ZSCAN5A: variants seen among roughly 807,000 people sequenced by gnomAD.
The protein encoded by ZSCAN5A is zinc finger and SCAN domain-containing protein 5A.
In ZSCAN5A, 12 loss-of-function variants were observed where a neutral mutation model predicts 23.7. That is an observed-to-expected ratio of 0.51 (90% CI 0.32 to 0.82). The LOEUF (loss-of-function observed/expected upper bound fraction) is 0.82, where lower values mean the gene tolerates loss of function less well. Among genes scored for constraint, ZSCAN5A ranks in the 40% least tolerant of loss-of-function variants. The pLI, the probability that ZSCAN5A is intolerant of heterozygous loss-of-function variation, is 0.03. For missense variants in ZSCAN5A, 597 were observed against 617.9 expected (o/e 0.97, Z 0.36); for synonymous variants, 257 against 239.9 (o/e 1.07, Z -0.66).
In ZSCAN5A at chr19:56,221,900, C is replaced by G. The variant is rs774911834; in HGVS notation, c.1166G>C (p.Cys389Ser). ...AATAAGCTGCATGAAGCGCTTCCCA[C>G]AGAGATTACATTGAAAGAGTCTCTC... is the stretch of plus-strand genomic sequence containing the variant. The part of the protein sequence containing the change: ...TGERLFQCNL[C>S]GKRFMQLISL... The change falls in exon 6 of 6, where the codon TGT becomes TCT. Residue 389 changes from cysteine (C) to serine (S), a missense_variant. Around this residue, in one of 5 missense-constraint regions of ZSCAN5A, gnomAD observed 406 missense variants for 353.2 expected, o/e 1.15. Coordinates refer to ENST00000683990, the MANE Select transcript of ZSCAN5A (RefSeq NM_001322064.3). 1 of 1,614,064 alleles carries G rather than the reference C, an allele frequency of 6.2e-7. No individual in the cohort carries two copies. Among genetic ancestry groups the G allele is most frequent in the Non-Finnish European group, 8.5e-7 (1 of 1,180,036 alleles).
intron 2 of ZSCAN5A, among the ~76,000 whole-genome samples, chr19:56,270,997 C>A (rs1172320439): frequency 6.6e-6 from 1 of 152,178 alleles, no homozygotes; most frequent in Non-Finnish European, 1.5e-5. Flanking sequence ...GCAGATAATG[C>A]TAAAGAATAT....
At chr19:56,275,906 T>C (rs1254186244) in intron 2 of ZSCAN5A, among the ~76,000 whole-genome samples, 1 of 152,196 alleles carries the variant, frequency 6.6e-6, no homozygotes, top group Admixed American at 6.5e-5. Context: ...GACTTATCGA[T>C]GGATGGATGG....
At chr19:56,277,120 G>A (rs1370589038) in intron 2 of ZSCAN5A, among the ~76,000 whole-genome samples, 1 of 152,098 alleles carries the variant, frequency 6.6e-6, no homozygotes, top group East Asian at 1.9e-4. Context: ...CAGCTGCTTT[G>A]GAAAACAGTC....
At chr19:56,356,018 A>T (rs1424091451) in intron 2 of ZSCAN5A, among the ~76,000 whole-genome samples, 1 of 148,872 alleles carries the variant, frequency 6.7e-6, no homozygotes, top group Admixed American at 6.6e-5. Context: ...GGTGAAAAAC[A>T]TCTACTTTAA....
intron 2 of ZSCAN5A, chr19:56,266,610 G>C (rs965914261): frequency 2.0e-5 from 3 of 150,272 alleles, no homozygotes; most frequent in Non-Finnish European, 4.4e-5. Context: ...CTCCCGAGTA[G>C]CTAGGACTAC....
At chr19:56,344,350 A>C (rs1180522156) in intron 2 of ZSCAN5A, among the ~76,000 whole-genome samples, 1 of 152,252 alleles carries the variant, frequency 6.6e-6, no homozygotes, top group Non-Finnish European at 1.5e-5. Context: ...TCAATGTCTT[A>C]TTTATTAAAG....
chr19:56,275,286 T>C (rs1038732136), intron 2 of ZSCAN5A, among the ~76,000 whole-genome samples: 3 of 152,362 alleles, frequency 2.0e-5, no homozygotes, highest in Middle Eastern at 6.8e-3. Flanking sequence ...GCAGAAATGA[T>C]TGCTACAGTG....
At chr19:56,327,123 G>C (rs112962065) in intron 2 of ZSCAN5A, among the ~76,000 whole-genome samples, 3 of 151,404 alleles carry the variant, frequency 2.0e-5, no homozygotes, top group Non-Finnish European at 2.9e-5. Context: ...TACTACATTC[G>C]TCATGCTATA....
At chr19:56,299,365 CCA>C (rs1450153150) in intron 2 of ZSCAN5A, among the ~76,000 whole-genome samples, 5 of 151,732 alleles carry the variant, frequency 3.3e-5, no homozygotes, top group African/African-American at 7.3e-5. Flanking sequence ...ATTCCTGGGC[CCA>C]AGTGAGCCTC....
chr19:56,360,665 T>C (rs1309058147), intron 2 of ZSCAN5A, among the ~76,000 whole-genome samples: 1 of 151,998 alleles, frequency 6.6e-6, no homozygotes, highest in Non-Finnish European at 1.5e-5. Flanking sequence ...TTATTACACC[T>C]TATACAAAAA....
At chr19:56,279,573 G>A (rs1294816205) in intron 2 of ZSCAN5A, among the ~76,000 whole-genome samples, 1 of 152,128 alleles carries the variant, frequency 6.6e-6, no homozygotes, top group Non-Finnish European at 1.5e-5. Context: ...TGTCCCATAT[G>A]GGGTCTGAGG....
chr19:56,282,910 C>T (rs1176132456), intron 2 of ZSCAN5A: 1 of 152,200 alleles, frequency 6.6e-6, no homozygotes. Flanking sequence ...AGATAGCAAT[C>T]TGGAACAAGT....
intron 2 of ZSCAN5A, chr19:56,341,018 C>A (rs1347157661): frequency 6.6e-6 from 1 of 152,154 alleles, no homozygotes; most frequent in Non-Finnish European, 1.5e-5. Context: ...AGCTGGGAAC[C>A]CCTCAGGGCA....
intron 2 of ZSCAN5A, among the ~76,000 whole-genome samples, chr19:56,254,138 G>C (rs117889703): frequency 6.7e-6 from 1 of 150,374 alleles, no homozygotes; most frequent in African/African-American, 2.4e-5. Context: ...TGGTTCACTC[G>C]ATCTGACATT....
chr19:56,326,669 C>T (rs892241580), intron 2 of ZSCAN5A, among the ~76,000 whole-genome samples: 1 of 152,100 alleles, frequency 6.6e-6, no homozygotes, highest in Admixed American at 6.6e-5. Flanking sequence ...AATGACACCC[C>T]CACCCACACA....
At chr19:56,339,872 G>GA (rs901555121) in intron 2 of ZSCAN5A, among the ~76,000 whole-genome samples, 18 of 152,234 alleles carry the variant, frequency 1.2e-4, no homozygotes, top group African/African-American at 4.1e-4. Context: ...ATATGTAAAG[G>GA]AGGAATTGCA....
chr19:56,285,201 A>T (rs1048021187), intron 2 of ZSCAN5A, among the ~76,000 whole-genome samples: 2 of 152,240 alleles, frequency 1.3e-5, no homozygotes, highest in African/African-American at 4.8e-5. Context: ...ATATAAGGTT[A>T]CAGCTAGAAT....
intron 2 of ZSCAN5A, among the ~76,000 whole-genome samples, chr19:56,329,795 A>G (rs748867174): frequency 1.3e-5 from 2 of 152,160 alleles, no homozygotes; most frequent in Non-Finnish European, 2.9e-5. Flanking sequence ...TAGTTTATTT[A>G]TCCCAACAAT....
At position 56,222,050 on chromosome 19, in the gene ZSCAN5A, G is replaced by T. The variant is rs770929966; in HGVS notation, c.1016C>A (p.Ala339Glu). The change falls in exon 6 of 6, where the codon GCG (alanine) becomes GAG (glutamate). Residue 339 changes from alanine (A) to glutamate (E), a missense_variant. Transcript: ENST00000683990. ...GMNSIHSPGPASPVSHPDGQE... is the reference protein window; with the variant it reads ...GMNSIHSPGPESPVSHPDGQE... ...GCCATCCGGGTGACTGACTGGGCTC[G>T]CAGGGCCTGGGGAATGAATTGAATT... 3.2e-5 allele frequency: 51 copies of T among 1,614,060 alleles called. No individual in the cohort carries two copies. Among genetic ancestry groups the T allele is most frequent in the Non-Finnish European group, 4.2e-5 (49 of 1,180,048 alleles).
Sources: allele counts gnomAD v4.1 joint callset (sites outside exome capture counted in the v4.1 genomes callset), GRCh38; gene constraint gnomAD v4.1.1; regional missense constraint gnomAD v4.1.1; transcripts MANE v1.5; gene names NCBI Gene and HGNC (gene_info 2026-07-23, HGNC 2026-07-21).